The following ADGRA3 variants were observed in gnomAD, a reference collection of about 807,000 sequenced individuals.
ADGRA3 encodes adhesion G protein-coupled receptor A3, also known as G-protein coupled receptor 125.
ADGRA3 carries 56 observed loss-of-function variants against 119.8 expected under a neutral mutation model. That is an observed-to-expected ratio of 0.47 (90% CI 0.38 to 0.58). The LOEUF is 0.58. Among genes scored for constraint, ADGRA3 ranks in the 20% least tolerant of loss-of-function variants. ADGRA3 has a pLI of 0.00. For missense variants in ADGRA3, 1,516 were observed against 1,649.0 expected (o/e 0.92, Z 1.40); for synonymous variants, 607 against 623.8 (o/e 0.97, Z 0.40).
At chr4:22,458,386 C>T (rs1051288868) in intron 3 of ADGRA3, among the ~76,000 whole-genome samples, 2 of 152,306 alleles carry the variant, frequency 1.3e-5, no homozygotes, top group East Asian at 3.9e-4. Context: ...GTCTGGATAG[C>T]TGAGTCCTAA....
At chr4:22,476,535 A>G (rs1230809966) in intron 1 of ADGRA3, among the ~76,000 whole-genome samples, 1 of 152,220 alleles carries the variant, frequency 6.6e-6, no homozygotes, top group Non-Finnish European at 1.5e-5. Flanking sequence ...ATCAAAACTG[A>G]TATCCTTGAT....
At chr4:22,394,446 T>C (rs914500960) in intron 16 of ADGRA3, 1 of 152,200 alleles carries the variant, frequency 6.6e-6, no homozygotes, top group Admixed American at 6.5e-5. Flanking sequence ...CTGACTGCGC[T>C]GTGAAAGCAA....
At chr4:22,413,959 AT>A (rs1715329195) in intron 12 of ADGRA3, 145 bp from the exon 13 acceptor site, 1 of 567,168 alleles carries the variant, frequency 1.8e-6, no homozygotes. Flanking sequence ...AGTTAAAAAA[AT>A]CATCAGTCAA....
At chr4:22,438,548 A>G in intron 7 of ADGRA3, 128 bp from the exon 8 acceptor site, 1 of 690,900 alleles carries the variant, frequency 1.4e-6, no homozygotes, top group Non-Finnish European at 2.4e-6. Flanking sequence ...CTTGCTATAT[A>G]AAAATGAATT....
In ADGRA3 at chr4:22,413,089, A is replaced by AC. The variant is rs1250536963; in HGVS notation, c.2232+92_2232+93insG. The AC allele has an allele frequency of 1.3e-4, 124 of 981,296 alleles. 1 individual carries two copies. Among genetic ancestry groups the AC allele is most frequent in the Non-Finnish European group, 1.7e-4 (109 of 646,216 alleles). The allele number at this position is 981,296 out of a possible 1,614,324, so 60.8% of individuals were successfully genotyped here. On this transcript the variant is annotated intron_variant, in intron 14 of 18. Transcript: ENST00000334304. ...TATGTTAAAAGTAAAAAAAAAAAAA[A>AC]AACAAAAAACAAAAAAACACTTCAT...
At chr4:22,442,573 C>G in intron 7 of ADGRA3, 77 bp downstream of exon 7, 2 of 971,806 alleles carry the variant, frequency 2.1e-6, no homozygotes, top group Non-Finnish European at 3.1e-6. Flanking sequence ...TCAAATTCCA[C>G]TAAACATTAC....
intron 1 of ADGRA3, among the ~76,000 whole-genome samples, chr4:22,491,076 T>C (rs1453511684): frequency 1.3e-5 from 2 of 152,116 alleles, no homozygotes; most frequent in Non-Finnish European, 2.9e-5. Context: ...GCTGAAAACA[T>C]CCAGGAAAAA....
At chr4:22,487,586 A>T (rs1463093664) in intron 1 of ADGRA3, among the ~76,000 whole-genome samples, 1 of 152,038 alleles carries the variant, frequency 6.6e-6, no homozygotes, top group Non-Finnish European at 1.5e-5. Flanking sequence ...ATAACAGTAT[A>T]AGTGGTATCT....
intron 4 of ADGRA3, among the ~76,000 whole-genome samples, chr4:22,454,494 A>G (rs1560325876): frequency 1.3e-5 from 2 of 152,048 alleles, no homozygotes; most frequent in Non-Finnish European, 1.5e-5. Flanking sequence ...TTCCTTTCTC[A>G]CTATCCAGAT....
chr4:22,399,412 T>C (rs1422434795), intron 16 of ADGRA3, among the ~76,000 whole-genome samples: 2 of 152,166 alleles, frequency 1.3e-5, no homozygotes, highest in African/African-American at 4.8e-5. Context: ...TTGGCCTTCC[T>C]TATCTTAAGG....
At chr4:22,420,585 C>A in intron 12 of ADGRA3, 1 of 445,164 alleles carries the variant, frequency 2.2e-6, no homozygotes, top group Non-Finnish European at 3.9e-6. Context: ...ACTTTTAAGT[C>A]AAATAAGATT....
chr4:22,455,079 G>T, intron 3 of ADGRA3, 142 bp from the exon 4 acceptor site: 1 of 641,206 alleles, frequency 1.6e-6, no homozygotes, highest in Non-Finnish European at 2.8e-6. Context: ...GTACGCAAAT[G>T]AGATAAGGAT....
Position 22,501,809 on chromosome 4 carries a change from T to C in ADGRA3, c.257+13719A>G, listed in dbSNP as rs115246801. ...AAACTAATATGAGAACTAAGAATATTATAAAACTTTAAAAAAAAAGTATTA... is the reference window on the plus strand; with the variant it reads ...AAACTAATATGAGAACTAAGAATATCATAAAACTTTAAAAAAAAAGTATTA... On this transcript the variant is annotated intron_variant, in intron 1 of 18. Transcript: ENST00000334304. Among the ~76,000 whole-genome samples the C allele has an allele frequency of 4.0e-3, 609 of 152,176 alleles. 5 individuals are homozygous for C. The highest frequency in any genetic ancestry group is 0.014 in the African/African-American group (577 of 41,522).
intron 1 of ADGRA3, among the ~76,000 whole-genome samples, chr4:22,491,746 T>G (rs1268283488): frequency 6.6e-6 from 1 of 152,226 alleles, no homozygotes; most frequent in Non-Finnish European, 1.5e-5. Flanking sequence ...CTCCACTTGT[T>G]CTTGTTGTAT....
At chr4:22,401,365 A>C (rs1479380924) in intron 16 of ADGRA3, 66 bp downstream of exon 16, 14 of 1,402,994 alleles carry the variant, frequency 1.0e-5, no homozygotes, top group Non-Finnish European at 1.2e-5. Flanking sequence ...TTTTCTTTTT[A>C]TAGTTAATGA....
At chr4:22,492,527 T>C (rs1236175497) in intron 1 of ADGRA3, among the ~76,000 whole-genome samples, 1 of 152,200 alleles carries the variant, frequency 6.6e-6, no homozygotes, top group Non-Finnish European at 1.5e-5. Flanking sequence ...CCTGCCCTTA[T>C]AGAGTTTATG....
intron 12 of ADGRA3, among the ~76,000 whole-genome samples, chr4:22,419,392 G>A (rs1348934716): frequency 3.3e-5 from 5 of 152,104 alleles, no homozygotes; most frequent in African/African-American, 1.2e-4. Flanking sequence ...TTTCTGTCAC[G>A]AGGGATATGT....
rs541607541 is a variant in ADGRA3, at chr4:22,390,445, T to TAA, written c.2628-1264_2628-1263dup. Reference sequence around the variant, plus strand: ...ATATAATACGTATTATATATATATATAAAATACGTATTATATATATATTCA... The same window carrying TAA: ...ATATAATACGTATTATATATATATATAAAAAATACGTATTATATATATATTCA... On this transcript the variant is annotated intron_variant, in intron 17 of 18. Transcript: ENST00000334304. 9.1e-3 allele frequency among the ~76,000 whole-genome samples: 696 copies of TAA among 76,730 alleles called. 29 individuals carry two copies. The highest frequency in any genetic ancestry group is 0.041 in the East Asian group (109 of 2,670). 50.3% of individuals were successfully genotyped at this position (76,730 alleles called of 152,430 possible). A position where few individuals can be genotyped will look rare whatever the true frequency, so the allele number is the denominator to read the frequency against.
chr4:22,498,661 A>G (rs1196910840), intron 1 of ADGRA3, among the ~76,000 whole-genome samples: 1 of 152,080 alleles, frequency 6.6e-6, no homozygotes, highest in Non-Finnish European at 1.5e-5. Context: ...CACGCCTGTA[A>G]TCCCAGCACT....
Sources: allele counts gnomAD v4.1 joint callset (sites outside exome capture counted in the v4.1 genomes callset), GRCh38; gene constraint gnomAD v4.1.1; transcripts MANE v1.5; gene names NCBI Gene and HGNC (gene_info 2026-07-23, HGNC 2026-07-21).